The following RTL10 variants were observed in gnomAD, a reference collection of about 807,000 sequenced individuals.
RTL10 encodes retrotransposon Gag like 10, also known as protein Bop.
For missense variants in RTL10, 477 were observed against 470.7 expected, an observed-to-expected ratio of 1.01 and a Z score of -0.12; for synonymous variants, 199 against 188.4, an observed-to-expected ratio of 1.06 and a Z score of -0.46.
In RTL10 at chr22:19,851,005, G is replaced by A; in HGVS notation, c.*162C>T. On this transcript the variant is annotated 3_prime_UTR_variant, in exon 3 of 3. Coordinates refer to ENST00000328554, the MANE Select transcript of RTL10 (RefSeq NM_024627.6). The stretch of plus-strand genomic sequence containing the variant: ...AAGCTCTGCTGGAGTTGGGGGAGCT[G>A]GTTCTGCTCAGCGCAGAGTCCAAAA... 2 of 1,419,574 alleles carry A rather than the reference G, an allele frequency of 1.4e-6. No individual in the cohort carries two copies. The highest frequency in any genetic ancestry group is 1.4e-5 in the African/African-American group (1 of 69,566). 87.9% of individuals were successfully genotyped at this position (1,419,574 alleles called of 1,614,324 possible).
Position 19,849,304 on chromosome 22 carries a change from T to C in RTL10, c.*1863A>G. On this transcript the variant is annotated 3_prime_UTR_variant, in exon 3 of 3. Coordinates refer to ENST00000328554, the MANE Select transcript of RTL10 (RefSeq NM_024627.6). ...AACCATCTGAACCCAGAGCCTTTTC[T>C]AGTGATAGTTACCATAAAATAATCC... The C allele has an allele frequency of 1.0e-6, 1 of 980,452 alleles. No homozygotes were observed. Among genetic ancestry groups the C allele is most frequent in the Non-Finnish European group, 1.2e-6 (1 of 825,470 alleles). 60.7% of individuals were successfully genotyped at this position (980,452 alleles called of 1,614,324 possible). A position where few individuals can be genotyped will look rare whatever the true frequency, so the allele number is the denominator to read the frequency against.
chr22:19,851,926 C>T lies in RTL10; in HGVS notation c.336G>A (p.Trp112Ter), dbSNP rs969340919. ...SDPGTFDGSPWLLDRFLAQLG... is the reference protein window; with the variant it reads ...SDPGTFDGSP ...GCTGGGCCAAGAAGCGGTCCAGTAG[C>T]CACGGGGAGCCATCAAAGGTGCCTG... The change falls in exon 3 of 3, where the codon TGG (tryptophan) becomes TGA (stop). Residue 112 changes from tryptophan to a stop codon, truncating the protein, a stop_gained. Coordinates refer to ENST00000328554, the MANE Select transcript of RTL10 (RefSeq NM_024627.6). LOFTEE classifies it low-confidence loss of function (END_TRUNC). The T allele has an allele frequency of 1.2e-6, 2 of 1,613,986 alleles. No homozygotes were observed. Among genetic ancestry groups the T allele is most frequent in the African/African-American group, 2.7e-5 (2 of 74,942 alleles).
In RTL10 at chr22:19,850,180, T is replaced by C. The variant is rs192408912; in HGVS notation, c.*987A>G. ...GGAATGCTCATGGCCAGGCCTCTGC[T>C]CCTGACAGAATGGGAAACAAAGACT... On this transcript the variant is annotated 3_prime_UTR_variant, in exon 3 of 3. Coordinates refer to ENST00000328554, the MANE Select transcript of RTL10 (RefSeq NM_024627.6). The C allele has an allele frequency of 4.1e-6, 4 of 985,592 alleles. No individual in the cohort carries two copies. The East Asian group carries it at 4.5e-4, about 112-fold the overall frequency. The allele number at this position is 985,592 out of a possible 1,614,324, so 61.1% of individuals were successfully genotyped here.
intron 2 of RTL10, among the ~76,000 whole-genome samples, chr22:19,853,982 C>A (rs1261833166): frequency 6.6e-6 from 1 of 152,218 alleles, no homozygotes; most frequent in South Asian, 2.1e-4. Flanking sequence ...GTCCCCTACC[C>A]TGCCCACTCA....
chr22:19,849,717 T>C lies in RTL10; in HGVS notation c.*1450A>G, dbSNP rs1395451357. On this transcript the variant is annotated 3_prime_UTR_variant, in exon 3 of 3. Coordinates refer to ENST00000328554, the MANE Select transcript of RTL10 (RefSeq NM_024627.6). ...GCTTGCTAATTAGTTTTTCCTAAAA[T>C]AGTTGGCTGTATTTCCAATTCACAT... 2.0e-6 allele frequency: 2 copies of C among 985,356 alleles called. No individual in the cohort carries two copies. Among genetic ancestry groups the C allele is most frequent in the African/African-American group, 3.5e-5 (2 of 57,250 alleles). 61.0% of individuals were successfully genotyped at this position (985,356 alleles called of 1,614,324 possible).
At position 19,848,389 on chromosome 22, in the gene RTL10, G is replaced by A. The variant is rs962864961; in HGVS notation, c.*2778C>T. On this transcript the variant is annotated 3_prime_UTR_variant, in exon 3 of 3. Coordinates refer to ENST00000328554, the MANE Select transcript of RTL10 (RefSeq NM_024627.6). ...GGGCCAGAAGAGAAAAACAACCCAG[G>A]GGGAATGCCTCCTTCCCCCAGCAGG... 1.0e-6 allele frequency: 1 copy of A among 985,334 alleles called. No individual in the cohort carries two copies. Among genetic ancestry groups the A allele is most frequent in the Admixed American group, 6.2e-5 (1 of 16,250 alleles). 61.0% of individuals were successfully genotyped at this position (985,334 alleles called of 1,614,324 possible).
intron 2 of RTL10, among the ~76,000 whole-genome samples, chr22:19,853,674 C>T (rs1316826941): frequency 6.6e-6 from 1 of 152,144 alleles, no homozygotes; most frequent in Non-Finnish European, 1.5e-5. Flanking sequence ...GGCCCTACCT[C>T]CACCACCCAA....
Position 19,852,200 on chromosome 22 carries a change from T to C in RTL10, c.62A>G (p.Tyr21Cys). ...CTGCTGCCATGGATGTGCGTTGGCA[T>C]AATTGGCGGCTGCCCAGATGGGAAT... ...PRIPIWAAAN[Y>C]ANAHPWQQMD... Residue 21 changes from tyrosine to cysteine, a missense_variant, in exon 3 of 3, where the codon TAT becomes TGT. Coordinates refer to ENST00000328554, the MANE Select transcript of RTL10 (RefSeq NM_024627.6). The C allele has an allele frequency of 6.2e-7, 1 of 1,613,730 alleles. No homozygotes were observed. Among genetic ancestry groups the C allele is most frequent in the South Asian group, 1.1e-5 (1 of 91,084 alleles).
In RTL10 at chr22:19,851,463, G is replaced by C; in HGVS notation, c.799C>G (p.Pro267Ala). The C allele has an allele frequency of 6.2e-7, 1 of 1,614,108 alleles. No homozygotes were observed. The highest frequency in any genetic ancestry group is 8.5e-7 in the Non-Finnish European group (1 of 1,180,018). ...CTGGGCAGGACTGGGGGCTCCTTGG[G>C]CCCAGGGGTGCTCTCCTTGGTCAGC... Reference protein sequence around the residue: ...QQLTKESTPGPKEPPVLPSST... With the variant: ...QQLTKESTPGAKEPPVLPSST... The change falls in exon 3 of 3, where the codon CCC (proline) becomes GCC (alanine). Residue 267 changes from proline to alanine, a missense_variant. Physicochemically the swap from Pro to Ala is conservative, Grantham distance 27. Transcript: ENST00000328554.
At chr22:19,853,429 C>A (rs906268879) in intron 2 of RTL10, among the ~76,000 whole-genome samples, 3 of 152,132 alleles carry the variant, frequency 2.0e-5, no homozygotes, top group African/African-American at 7.2e-5. Flanking sequence ...TTACACTCTG[C>A]AGCCTAACTC....
intron 2 of RTL10, among the ~76,000 whole-genome samples, chr22:19,853,079 G>A (rs897673191): frequency 2.0e-5 from 3 of 152,114 alleles, no homozygotes; most frequent in Non-Finnish European, 4.4e-5. Flanking sequence ...ACAGAGCAGT[G>A]AGCCTGCTAT....
Position 19,846,310 on chromosome 22 carries a change from C to T in RTL10, c.*4857G>A. 1.7e-6 allele frequency: 1 copy of T among 593,640 alleles called. No homozygotes were observed. The highest frequency in any genetic ancestry group is 7.3e-5 in the South Asian group (1 of 13,762). 36.8% of individuals were successfully genotyped at this position (593,640 alleles called of 1,614,324 possible). On this transcript the variant is annotated 3_prime_UTR_variant, in exon 3 of 3. Transcript: ENST00000328554. ...GTTGAATGTCAAAGGCAGAAAGTTA[C>T]AACCTGGGAATACAGGATAATGCCT... is the stretch of plus-strand genomic sequence containing the variant.
Position 19,854,810 on chromosome 22 carries a change from C to G in RTL10, c.-473G>C, listed in dbSNP as rs906364097. 1 of 152,366 alleles carries G rather than the reference C, an allele frequency of 6.6e-6. No homozygotes were observed. The highest frequency in any genetic ancestry group is 1.5e-5 in the Non-Finnish European group (1 of 68,148). The allele number at this position is 152,366 out of a possible 1,614,324, so 9.4% of individuals were successfully genotyped here. ...AAGCCGGCCGCCCGGGCTCCCGCCT[C>G]CACACTGACCCTCTTGCCGGAGTCG... On this transcript the variant is annotated 5_prime_UTR_variant, in exon 1 of 3. Coordinates refer to ENST00000328554, the MANE Select transcript of RTL10 (RefSeq NM_024627.6).
rs1601356316 is a variant in RTL10, at chr22:19,849,655, C to T, written c.*1512G>A. On this transcript the variant is annotated 3_prime_UTR_variant, in exon 3 of 3. Transcript: ENST00000328554. Reference sequence around the variant, plus strand: ...GTGCTGGGATTACAGGTGTGAGACACTGCTCCCGGCCAGTTTCTGAATAAG... The same window carrying T: ...GTGCTGGGATTACAGGTGTGAGACATTGCTCCCGGCCAGTTTCTGAATAAG... 1.0e-6 allele frequency: 1 copy of T among 984,120 alleles called. No homozygotes were observed. Among genetic ancestry groups the T allele is most frequent in the East Asian group, 1.1e-4 (1 of 8,812 alleles). The allele number at this position is 984,120 out of a possible 1,614,324, so 61.0% of individuals were successfully genotyped here. A position where few individuals can be genotyped will look rare whatever the true frequency, so the allele number is the denominator to read the frequency against.
Position 19,851,956 on chromosome 22 carries a change from T to G in RTL10, c.306A>C (p.Ser102=), listed in dbSNP as rs760803414. Residue 102 remains serine (S), a synonymous_variant, in exon 3 of 3, where the codon TCA becomes TCC. Transcript: ENST00000328554. ...GGGAGCCATCAAAGGTGCCTGGGTC[T>G]GAGCCTGGTACCCAGCAGAAGTCCA... ...HRVDFCWVPG[S]DPGTFDGSPW... The G allele has an allele frequency of 1.2e-6, 2 of 1,614,132 alleles. No homozygotes were observed. The highest frequency in any genetic ancestry group is 3.3e-5 in the Admixed American group (2 of 60,036).
chr22:19,853,594 C>T (rs1469957074), intron 2 of RTL10, among the ~76,000 whole-genome samples: 1 of 152,164 alleles, frequency 6.6e-6, no homozygotes, highest in African/African-American at 2.4e-5. Flanking sequence ...GCTGGCCATC[C>T]CCCCTCAGGG....
chr22:19,851,307 G>C lies in RTL10; in HGVS notation c.955C>G (p.Pro319Ala). The C allele has an allele frequency of 1.2e-6, 2 of 1,614,026 alleles. No individual in the cohort carries two copies. Among genetic ancestry groups the C allele is most frequent in the Non-Finnish European group, 1.7e-6 (2 of 1,179,952 alleles). ...GTTTTCTGGGGTTTTGGACCTCCTG[G>C]ATGAGCTGGGTCTGGTCTCTGGGCA... ...PPAQRPDPAH[P>A]GGPKPQKTEE... is the part of the protein sequence containing the mutation. Residue 319 changes from proline (P) to alanine (A), a missense_variant, in exon 3 of 3, where the codon CCA (proline) becomes GCA (alanine). By Grantham distance (27) the Pro-to-Ala change is conservative. Transcript: ENST00000328554.
chr22:19,847,914 T>C lies in RTL10; in HGVS notation c.*3253A>G. 3.1e-6 allele frequency: 3 copies of C among 983,444 alleles called. No homozygotes were observed. The highest frequency in any genetic ancestry group is 3.6e-6 in the Non-Finnish European group (3 of 828,984). 60.9% of individuals were successfully genotyped at this position (983,444 alleles called of 1,614,324 possible). On this transcript the variant is annotated 3_prime_UTR_variant, in exon 3 of 3. Transcript: ENST00000328554. ...GTACTGGCATAAAGAGTGAGGCACA[T>C]ACATGGCTTTACTATTTTCCAGAGG...
chr22:19,850,036 G>A lies in RTL10; in HGVS notation c.*1131C>T, dbSNP rs541057074. On this transcript the variant is annotated 3_prime_UTR_variant, in exon 3 of 3. Transcript: ENST00000328554. ...GGTCCTCACTTCACCTACAGCTCTC[G>A]GAAGTCAGTTCTCTACCTGCAGAGC... 25 of 985,842 alleles carry A rather than the reference G, an allele frequency of 2.5e-5. No homozygotes were observed. Among genetic ancestry groups the A allele is most frequent in the South Asian group, 1.4e-4 (3 of 21,282 alleles). 61.1% of individuals were successfully genotyped at this position (985,842 alleles called of 1,614,324 possible). A position where few individuals can be genotyped will look rare whatever the true frequency, so the allele number is the denominator to read the frequency against.
Sources: gnomAD v4.1 joint callset for allele counts (sites outside exome capture counted in the v4.1 genomes callset) on GRCh38, gnomAD v4.1.1 for gene constraint, MANE v1.5 for transcripts, NCBI Gene and HGNC (gene_info 2026-07-23, HGNC 2026-07-21) for gene names.